Variants in EYS observed in about 807,000 individuals in gnomAD.
EYS encodes the protein protein eyes shut homolog.
In EYS, 250 loss-of-function variants were observed where a neutral mutation model predicts 282.1. The ratio of observed to expected loss-of-function variants is 0.89; its 90% CI spans 0.80 to 0.98. EYS has a LOEUF of 0.98. Among genes scored for constraint, EYS ranks in the 50% least tolerant of loss-of-function variants. EYS has a pLI of 0.00. For missense variants in EYS, 4,016 were observed against 3,709.0 expected (o/e 1.08, Z -2.15); for synonymous variants, 1,355 against 1,282.9 (o/e 1.06, Z -1.20).
chr6:63,783,410 C>A (rs1464260413), intron 39 of EYS, among the ~76,000 whole-genome samples: 2 of 152,144 alleles, frequency 1.3e-5, no homozygotes, highest in Non-Finnish European at 2.9e-5. Context: ...CATGGTCATG[C>A]ATAGCTGTAA....
At chr6:65,314,293 G>A (rs2150300563) in intron 11 of EYS, among the ~76,000 whole-genome samples, 1 of 146,790 alleles carries the variant, frequency 6.8e-6, no homozygotes, top group East Asian at 2.0e-4. Context: ...TTACTTCTAA[G>A]ATAGGTTTTT....
At chr6:65,331,684 T>A in intron 11 of EYS, 1 of 979,988 alleles carries the variant, frequency 1.0e-6, no homozygotes, top group South Asian at 4.7e-5. Flanking sequence ...CGAAGGATAA[T>A]TTTCTTAGTA....
At chr6:64,747,936 G>T (rs1772611004) in intron 22 of EYS, among the ~76,000 whole-genome samples, 1 of 152,174 alleles carries the variant, frequency 6.6e-6, no homozygotes, top group Non-Finnish European at 1.5e-5. Context: ...GTCTGCTGAT[G>T]AACATACACT....
intron 39 of EYS, among the ~76,000 whole-genome samples, chr6:63,782,744 A>G (rs993033354): frequency 4.6e-5 from 7 of 151,956 alleles, no homozygotes; most frequent in Non-Finnish European, 8.8e-5. Context: ...TTGTGTCTCT[A>G]TCTCCTTCAG....
At chr6:65,619,010 G>C (rs1174451543) in intron 2 of EYS, among the ~76,000 whole-genome samples, 1 of 151,950 alleles carries the variant, frequency 6.6e-6, no homozygotes. Flanking sequence ...TTTTTCTTTT[G>C]GCTTCAGATT....
intron 36 of EYS, among the ~76,000 whole-genome samples, chr6:63,835,725 C>T (rs894118842): frequency 2.0e-5 from 3 of 151,778 alleles, no homozygotes; most frequent in Non-Finnish European, 4.4e-5. Context: ...AACTTATGGA[C>T]AAATAATAAT....
chr6:65,163,661 C>T (rs986576860), intron 12 of EYS, among the ~76,000 whole-genome samples: 2 of 151,220 alleles, frequency 1.3e-5, no homozygotes, highest in African/African-American at 4.8e-5. Context: ...GGCCAAAGCT[C>T]ATCCGATTCC....
At chr6:65,311,110 C>T (rs1300031698) in intron 11 of EYS, among the ~76,000 whole-genome samples, 1 of 151,940 alleles carries the variant, frequency 6.6e-6, no homozygotes, top group Non-Finnish European at 1.5e-5. Flanking sequence ...TCTATAAATA[C>T]TACACTTGAT....
intron 14 of EYS, among the ~76,000 whole-genome samples, chr6:64,958,596 G>T (rs577700438): frequency 2.2e-3 from 335 of 150,910 alleles, no homozygotes; most frequent in African/African-American, 7.8e-3. Flanking sequence ...TTAGCCGGGC[G>T]CAGTGGCGGG....
chr6:64,818,954 C>T (rs1764820506), intron 21 of EYS, among the ~76,000 whole-genome samples: 1 of 152,138 alleles, frequency 6.6e-6, no homozygotes, highest in Non-Finnish European at 1.5e-5. Flanking sequence ...TGTCTTGCTG[C>T]CCATCCAGCC....
chr6:65,649,779 G>A (rs1328131123), intron 1 of EYS, among the ~76,000 whole-genome samples: 1 of 152,104 alleles, frequency 6.6e-6, no homozygotes, highest in African/African-American at 2.4e-5. Flanking sequence ...GTGTCATTGA[G>A]CCCCACATTT....
At chr6:65,180,022 A>C (rs1302645645) in intron 12 of EYS, among the ~76,000 whole-genome samples, 5 of 151,982 alleles carry the variant, frequency 3.3e-5, no homozygotes, top group African/African-American at 1.2e-4. Context: ...ATGCTAAAAA[A>C]TCTCAATAAA....
rs536289110 is a variant in EYS, at chr6:65,690,003, G to A, written c.-448+17132C>T. Among the ~76,000 whole-genome samples the A allele has an allele frequency of 9.3e-5, 14 of 149,940 alleles. 1 individual carries two copies. Among genetic ancestry groups the A allele is most frequent in the East Asian group, 4.6e-4 (2 of 4,334 alleles). On this transcript the variant is annotated intron_variant, in intron 1 of 42. Coordinates refer to ENST00000503581, the MANE Select transcript of EYS (RefSeq NM_001142800.2). ...ATTTATTACTAAGTTTAGTGAGGGC[G>A]CGGGTAGGTTAGTGAGGGATTTAGG...
At chr6:64,032,551 C>T (rs1170158167) in intron 33 of EYS, among the ~76,000 whole-genome samples, 1 of 152,302 alleles carries the variant, frequency 6.6e-6, no homozygotes, top group East Asian at 1.9e-4. Context: ...ACAGACCCTA[C>T]GGGTTAAGGG....
chr6:65,275,001 C>A (rs1768008796), intron 12 of EYS, among the ~76,000 whole-genome samples: 1 of 151,596 alleles, frequency 6.6e-6, no homozygotes, highest in African/African-American at 2.4e-5. Flanking sequence ...TCCCATTTAC[C>A]TAGTGATCTG....
At chr6:65,549,724 T>C (rs1768529811) in intron 2 of EYS, among the ~76,000 whole-genome samples, 1 of 152,242 alleles carries the variant, frequency 6.6e-6, no homozygotes, top group South Asian at 2.1e-4. Context: ...TACTGGGGGC[T>C]TAATGCCTCA....
chr6:65,448,355 T>G (rs563997315), intron 5 of EYS, among the ~76,000 whole-genome samples: 2 of 152,008 alleles, frequency 1.3e-5, no homozygotes, highest in Non-Finnish European at 2.9e-5. Context: ...GCTTTATAAT[T>G]TTCCAATTTT....
intron 12 of EYS, among the ~76,000 whole-genome samples, chr6:65,150,483 G>C (rs1003832404): frequency 4.3e-4 from 66 of 151,902 alleles, no homozygotes; most frequent in African/African-American, 1.4e-3. Context: ...TGTAGGTTAT[G>C]TGGTTTTGTT....
chr6:64,821,129 CAT>C (rs1425476140), intron 21 of EYS, among the ~76,000 whole-genome samples: 1 of 151,694 alleles, frequency 6.6e-6, no homozygotes, highest in African/African-American at 2.4e-5. Context: ...TATAAAATAC[CAT>C]ATGTCAATCA....
Sources: gnomAD v4.1 joint callset for allele counts (sites outside exome capture counted in the v4.1 genomes callset) on GRCh38, gnomAD v4.1.1 for gene constraint, MANE v1.5 for transcripts, NCBI Gene and HGNC (gene_info 2026-07-23, HGNC 2026-07-21) for gene names.